RBFOX1: variants seen among roughly 807,000 people sequenced by gnomAD.
RBFOX1 encodes the protein RNA binding protein fox-1 homolog 1.
In RBFOX1, 8 loss-of-function variants were observed where a neutral mutation model predicts 57.7. The observed-to-expected ratio is 0.14, with a 90% CI of 0.08 to 0.25. RBFOX1 has a LOEUF of 0.25. RBFOX1 is among the 10% of genes least tolerant of loss of function. The pLI is 1.00. For missense variants in RBFOX1, 611 were observed against 548.5 expected (o/e 1.11, Z -1.14); for synonymous variants, 326 against 222.4 (o/e 1.47, Z -4.15).
chr16:6,083,250 G>T (rs549140021), intron 1 of RBFOX1, among the ~76,000 whole-genome samples: 1 of 152,068 alleles, frequency 6.6e-6, no homozygotes, highest in African/African-American at 2.4e-5. Flanking sequence ...TGATCTGCCC[G>T]CCTCGGCCTC....
intron 4 of RBFOX1, among the ~76,000 whole-genome samples, chr16:7,399,218 C>G (rs1248592388): frequency 6.6e-6 from 1 of 152,224 alleles, no homozygotes; most frequent in Non-Finnish European, 1.5e-5. Flanking sequence ...GAGGCCGAAG[C>G]AGGTGGATTA....
chr16:6,623,073 A>C (rs1049876804), intron 2 of RBFOX1, among the ~76,000 whole-genome samples: 3 of 152,242 alleles, frequency 2.0e-5, no homozygotes, highest in Non-Finnish European at 4.4e-5. Context: ...CATATATTGC[A>C]AATTACCTGC....
intron 2 of RBFOX1, among the ~76,000 whole-genome samples, chr16:6,455,383 G>A (rs2534761): frequency 0.8 from 121,101 of 151,866 alleles, 48,385 homozygotes; most frequent in Middle Eastern, 0.87. Context: ...CCTGCTCTGC[G>A]GTCGTGGGAA....
At chr16:7,212,409 C>T (rs1394354882) in intron 4 of RBFOX1, among the ~76,000 whole-genome samples, 1 of 152,112 alleles carries the variant, frequency 6.6e-6, no homozygotes, top group African/African-American at 2.4e-5. Context: ...TATTAGCAAC[C>T]CCTCTTTCCC....
chr16:6,085,472 T>A (rs2096070276), intron 1 of RBFOX1, among the ~76,000 whole-genome samples: 1 of 152,158 alleles, frequency 6.6e-6, no homozygotes, highest in Admixed American at 6.5e-5. Flanking sequence ...GGTTTCACCA[T>A]GTTGATCTGG....
intron 4 of RBFOX1, among the ~76,000 whole-genome samples, chr16:7,258,496 G>C (rs529781426): frequency 6.6e-6 from 1 of 151,954 alleles, no homozygotes; most frequent in Admixed American, 6.6e-5. Flanking sequence ...GGGGGGAGGC[G>C]AATTACTGCA....
At chr16:5,967,869 G>C (rs1368554011) in intron 4 of RBFOX1, among the ~76,000 whole-genome samples, 1 of 152,106 alleles carries the variant, frequency 6.6e-6, no homozygotes, top group African/African-American at 2.4e-5. Context: ...TTTGGGGACT[G>C]GCTGTTTTGT....
intron 4 of RBFOX1, among the ~76,000 whole-genome samples, chr16:7,442,074 T>C (rs1312470954): frequency 6.6e-6 from 1 of 152,196 alleles, no homozygotes; most frequent in East Asian, 1.9e-4. Context: ...CATCTGGTAA[T>C]GAATCCATTA....
chr16:6,257,353 C>G (rs1363351483), intron 1 of RBFOX1, among the ~76,000 whole-genome samples: 2 of 151,998 alleles, frequency 1.3e-5, no homozygotes, highest in Non-Finnish European at 2.9e-5. Flanking sequence ...GGATGTTAGC[C>G]AAATCTCTTT....
chr16:6,904,416 C>G (rs138870969), intron 3 of RBFOX1, among the ~76,000 whole-genome samples: 1 of 151,660 alleles, frequency 6.6e-6, no homozygotes, highest in Admixed American at 6.6e-5. Flanking sequence ...GTCTGGCCAA[C>G]ATGGTGAATC....
chr16:5,666,284 T>C (rs1369314459), intron 3 of RBFOX1, among the ~76,000 whole-genome samples: 1 of 152,190 alleles, frequency 6.6e-6, no homozygotes, highest in Non-Finnish European at 1.5e-5. Flanking sequence ...ATTATCCCAT[T>C]TCTGTGACCT....
intron 3 of RBFOX1, among the ~76,000 whole-genome samples, chr16:6,827,389 A>G (rs9972726): frequency 0.14 from 21,240 of 152,152 alleles, 1,600 homozygotes; most frequent in Non-Finnish European, 0.16. Context: ...ACCCAGCATT[A>G]TCGCTGGAGG....
chr16:5,325,053 A>G (rs1302054675), intron 1 of RBFOX1, among the ~76,000 whole-genome samples: 4 of 152,188 alleles, frequency 2.6e-5, no homozygotes, highest in African/African-American at 9.7e-5. Flanking sequence ...AAACCTGCAC[A>G]TGAGCCGCTA....
At chr16:6,642,406 C>T (rs1354086521) in intron 2 of RBFOX1, among the ~76,000 whole-genome samples, 1 of 152,010 alleles carries the variant, frequency 6.6e-6, no homozygotes. Context: ...GCAAACAGAC[C>T]TTTGGTTTGA....
intron 3 of RBFOX1, among the ~76,000 whole-genome samples, chr16:5,732,874 C>T (rs1313261694): frequency 6.6e-6 from 1 of 151,974 alleles, no homozygotes; most frequent in South Asian, 2.1e-4. Flanking sequence ...GCAAAGACCC[C>T]AAAAGGAAAA....
intron 2 of RBFOX1, among the ~76,000 whole-genome samples, chr16:6,518,813 A>G (rs147166546): frequency 0.038 from 4,107 of 109,238 alleles, 197 homozygotes; most frequent in African/African-American, 0.12. Flanking sequence ...CTATCTATCT[A>G]TCTATCTATC....
At chr16:5,632,748 G>A (rs930093201) in intron 3 of RBFOX1, among the ~76,000 whole-genome samples, 89 of 152,240 alleles carry the variant, frequency 5.8e-4, no homozygotes, top group African/African-American at 2.0e-3. Context: ...CGCACATGCT[G>A]CTGTGATAAC....
chr16:5,500,045 A>C (rs1339957370), intron 2 of RBFOX1, among the ~76,000 whole-genome samples: 1 of 151,856 alleles, frequency 6.6e-6, no homozygotes, highest in East Asian at 1.9e-4. Flanking sequence ...ATGCAAACCC[A>C]TGAGGTCTAC....
chr16:5,794,323 T>TG (rs1241462743), intron 3 of RBFOX1, among the ~76,000 whole-genome samples: 1 of 151,810 alleles, frequency 6.6e-6, no homozygotes, highest in Non-Finnish European at 1.5e-5. Context: ...CACCTCCTTT[T>TG]TTTCCTCATC....
Sources: allele counts gnomAD v4.1 joint callset (sites outside exome capture counted in the v4.1 genomes callset), GRCh38; gene constraint gnomAD v4.1.1; transcripts MANE v1.5; gene names NCBI Gene and HGNC (gene_info 2026-07-23, HGNC 2026-07-21).